Variants in PDE1C observed in about 807,000 individuals in gnomAD.
PDE1C encodes the protein phosphodiesterase 1C.
PDE1C carries 62 observed loss-of-function variants against 93.1 expected under a neutral mutation model. The ratio of observed to expected loss-of-function variants is 0.67; its 90% CI spans 0.54 to 0.82. PDE1C has a LOEUF of 0.82. Among genes scored for constraint, PDE1C ranks in the 40% least tolerant of loss-of-function variants. PDE1C has a pLI of 0.00. For missense variants in PDE1C, 742 were observed against 884.6 expected (o/e 0.84, Z 2.04); for synonymous variants, 325 against 310.1 (o/e 1.05, Z -0.50).
chr7:31,646,741 T>C, the PDE1C span, among the ~76,000 whole-genome samples: 1 of 152,158 alleles, frequency 6.6e-6, no homozygotes, highest in Non-Finnish European at 1.5e-5. Flanking sequence ...CCCATTATGC[T>C]CAGTAACTGT....
chr7:31,884,915 T>C (rs190957899), intron 2 of PDE1C, among the ~76,000 whole-genome samples: 8 of 152,320 alleles, frequency 5.3e-5, no homozygotes, highest in South Asian at 4.1e-4. Flanking sequence ...GGATCTTTCA[T>C]ACCCATGTCA....
the PDE1C span, among the ~76,000 whole-genome samples, chr7:31,716,293 A>T: frequency 1.3e-5 from 2 of 152,100 alleles, no homozygotes; most frequent in African/African-American, 4.8e-5. Context: ...GTTATTACCT[A>T]TGGGGCCAGA....
At chr7:32,327,249 C>A (rs1038426907) in intron 1 of PDE1C, among the ~76,000 whole-genome samples, 1 of 152,172 alleles carries the variant, frequency 6.6e-6, no homozygotes, top group Non-Finnish European at 1.5e-5. Context: ...CCAAGGAAAT[C>A]TTTTATTGAA....
At chr7:31,617,608 G>A in the PDE1C span, among the ~76,000 whole-genome samples, 1 of 151,038 alleles carries the variant, frequency 6.6e-6, no homozygotes, top group South Asian at 2.1e-4. Flanking sequence ...GCTCTTTAGA[G>A]ACAACTTTTA....
the PDE1C span, among the ~76,000 whole-genome samples, chr7:31,628,624 A>G: frequency 6.6e-6 from 1 of 151,674 alleles, no homozygotes; most frequent in African/African-American, 2.4e-5. Context: ...CGCCCCGCTA[A>G]TTTTTGTATT....
chr7:31,959,603 A>T (rs554474805), intron 2 of PDE1C, among the ~76,000 whole-genome samples: 3 of 152,226 alleles, frequency 2.0e-5, no homozygotes, highest in Non-Finnish European at 4.4e-5. Context: ...GGTGACAGGA[A>T]ATTGATAGAG....
intron 9 of PDE1C, among the ~76,000 whole-genome samples, chr7:31,842,786 A>T (rs1186649358): frequency 1.3e-5 from 2 of 151,192 alleles, no homozygotes; most frequent in African/African-American, 4.9e-5. Context: ...TCTTCTATCT[A>T]CTTTGAATTT....
the PDE1C span, among the ~76,000 whole-genome samples, chr7:31,657,933 C>T: frequency 1.3e-5 from 2 of 152,188 alleles, no homozygotes; most frequent in African/African-American, 4.8e-5. Context: ...AACGTGGCCT[C>T]TTCTACATTA....
intron 1 of PDE1C, among the ~76,000 whole-genome samples, chr7:32,253,376 T>A (rs1201433679): frequency 6.6e-6 from 1 of 152,210 alleles, no homozygotes; most frequent in African/African-American, 2.4e-5. Flanking sequence ...TTCACAGCTG[T>A]ACTGGCCTTT....
chr7:31,974,217 C>T (rs1473934432), intron 2 of PDE1C, among the ~76,000 whole-genome samples: 4 of 152,148 alleles, frequency 2.6e-5, no homozygotes, highest in African/African-American at 9.7e-5. Flanking sequence ...CACAAACCAA[C>T]ATCCTAAATG....
chr7:32,397,065 T>G (rs866579949), intron 1 of PDE1C, among the ~76,000 whole-genome samples: 9 of 152,096 alleles, frequency 5.9e-5, no homozygotes, highest in Non-Finnish European at 1.3e-4. Flanking sequence ...AAACTCCAGG[T>G]AGGGAAAAGC....
At chr7:32,257,304 A>T (rs921321604) in intron 1 of PDE1C, among the ~76,000 whole-genome samples, 1 of 152,182 alleles carries the variant, frequency 6.6e-6, no homozygotes, top group Non-Finnish European at 1.5e-5. Context: ...CGTCAGGTTC[A>T]TCTCTATTCA....
chr7:32,416,505 T>C (rs1387793516), intron 1 of PDE1C, among the ~76,000 whole-genome samples: 3 of 152,190 alleles, frequency 2.0e-5, no homozygotes, highest in Admixed American at 1.3e-4. Context: ...TCACAGCCAT[T>C]TTGACATGGT....
At chr7:32,093,771 T>G (rs1797602423) in intron 3 of PDE1C, among the ~76,000 whole-genome samples, 1 of 152,200 alleles carries the variant, frequency 6.6e-6, no homozygotes. Flanking sequence ...CCCTGTGGCT[T>G]TGAGCAGCTA....
rs1259148036 is a variant in PDE1C, at chr7:31,908,959, T to C, written c.129-28099A>G. Among the ~76,000 whole-genome samples the C allele has an allele frequency of 2.0e-5, 3 of 152,168 alleles. No individual in the cohort carries two copies. In the East Asian group the frequency reaches 5.8e-4, roughly 29 times the overall value. On this transcript the variant is annotated intron_variant, in intron 2 of 17. Coordinates refer to ENST00000396191, the MANE Select transcript of PDE1C (RefSeq NM_001191057.4). ...TGAGGCGTCTCTGAAAAAGAATAAA[T>C]TCTGCCTGTGGACAGCATCTTCAAC... is the stretch of plus-strand genomic sequence containing the variant.
chr7:32,155,791 G>A (rs1332577593), intron 3 of PDE1C, among the ~76,000 whole-genome samples: 1 of 152,214 alleles, frequency 6.6e-6, no homozygotes, highest in East Asian at 1.9e-4. Flanking sequence ...AGCTTAAATG[G>A]TGTGCTCAAG....
the PDE1C span, among the ~76,000 whole-genome samples, chr7:31,618,046 A>G: frequency 6.6e-6 from 1 of 152,200 alleles, no homozygotes; most frequent in Admixed American, 6.5e-5. Flanking sequence ...ATGGGATCCT[A>G]AAGAAGCCAA....
At chr7:31,958,827 A>G (rs1435350460) in intron 2 of PDE1C, among the ~76,000 whole-genome samples, 2 of 152,142 alleles carry the variant, frequency 1.3e-5, no homozygotes, top group Non-Finnish European at 2.9e-5. Context: ...TCCCCCTCAT[A>G]TCCTGGAGCT....
intron 1 of PDE1C, among the ~76,000 whole-genome samples, chr7:32,296,850 C>T (rs1007576416): frequency 1.3e-5 from 2 of 152,156 alleles, no homozygotes; most frequent in Admixed American, 1.3e-4. Context: ...TCCCTTAGCA[C>T]CCACCAACAC....
Sources: allele counts gnomAD v4.1 joint callset (sites outside exome capture counted in the v4.1 genomes callset), GRCh38; gene constraint gnomAD v4.1.1; transcripts MANE v1.5; gene names NCBI Gene and HGNC (gene_info 2026-07-23, HGNC 2026-07-21).